ADGRL1: variants seen among roughly 807,000 people sequenced by gnomAD.
The protein encoded by ADGRL1 is CIRL-1.
In ADGRL1, 31 loss-of-function variants were observed where a neutral mutation model predicts 148.9. That is an observed-to-expected ratio of 0.21 (90% confidence interval 0.16 to 0.28). ADGRL1 has a LOEUF of 0.28. ADGRL1 is among the 10% of genes least tolerant of loss of function. The pLI is 1.00. For missense variants in ADGRL1, 1,521 were observed against 2,058.8 expected (o/e 0.74, Z 5.05); for synonymous variants, 937 against 900.3 (o/e 1.04, Z -0.73).
At chr19:14,191,696 C>CTT (rs202173891) in intron 1 of ADGRL1, among the ~76,000 whole-genome samples, 9 of 143,956 alleles carry the variant, frequency 6.3e-5, no homozygotes, top group Non-Finnish European at 9.2e-5. Context: ...CTGTCTCTCT[C>CTT]TTTTTTTTTT....
chr19:14,157,466 G>T lies in ADGRL1; in HGVS notation c.2536-6C>A. On this transcript the variant is annotated splice_polypyrimidine_tract_variant and splice_region_variant and intron_variant, in intron 13 of 22. Transcript: ENST00000361434. The surrounding 1 kb of genome is among the most constrained non-coding windows in gnomAD (Gnocchi z 7.5). Reference sequence around the variant, plus strand: ...TCGTTGATGCGGCCCTGGTACTGGGGACAGGAACAGGGGGCACGCTCAGGG... The same window carrying T: ...TCGTTGATGCGGCCCTGGTACTGGGTACAGGAACAGGGGGCACGCTCAGGG... 6.2e-7 allele frequency: 1 copy of T among 1,613,336 alleles called. No individual in the cohort carries two copies. Among genetic ancestry groups the T allele is most frequent in the Non-Finnish European group, 8.5e-7 (1 of 1,179,540 alleles).
intron 16 of ADGRL1, 105 bp from the exon 17 acceptor site, chr19:14,156,306 C>T: frequency 1.1e-6 from 1 of 914,624 alleles, no homozygotes; most frequent in Non-Finnish European, 1.7e-6. Flanking sequence ...GTGGCCCTCG[C>T]CTCTGCTGGG....
At chr19:14,175,051 C>A (rs989306875) in intron 3 of ADGRL1, among the ~76,000 whole-genome samples, 1 of 151,986 alleles carries the variant, frequency 6.6e-6, no homozygotes, top group Non-Finnish European at 1.5e-5. Flanking sequence ...CTATGTTGCC[C>A]AGTCTGGTCT....
intron 1 of ADGRL1, among the ~76,000 whole-genome samples, chr19:14,190,065 C>T (rs1971834045): frequency 6.6e-6 from 1 of 152,062 alleles, no homozygotes; most frequent in Non-Finnish European, 1.5e-5. Context: ...GTGGCCGGGG[C>T]TACGGGTGGG....
chr19:14,169,932 T>C (rs1231980198), intron 4 of ADGRL1: 4 of 152,348 alleles, frequency 2.6e-5, no homozygotes, highest in Middle Eastern at 3.4e-3. Flanking sequence ...ATGGCCAGGC[T>C]CCTGGCTCCC....
intron 3 of ADGRL1, among the ~76,000 whole-genome samples, chr19:14,175,555 T>C (rs1016862399): frequency 1.3e-5 from 2 of 151,344 alleles, no homozygotes; most frequent in African/African-American, 4.9e-5. Context: ...AACACCCACA[T>C]TCACACACAC....
At position 14,160,160 on chromosome 19, in the gene ADGRL1, C is replaced by T. The variant is rs550254938; in HGVS notation, c.1752G>A (p.Gln584=). The T allele has an allele frequency of 7.5e-6, 12 of 1,596,992 alleles. No individual in the cohort carries two copies. In the East Asian group the frequency reaches 2.7e-4, roughly 36 times the overall value. Residue 584 remains glutamine, a synonymous_variant, in exon 8 of 23, where the codon CAG becomes CAA. Coordinates refer to ENST00000361434, the MANE Select transcript of ADGRL1 (RefSeq NM_014921.5). This position sits in a 1 kb window ranked among gnomAD's most constrained non-coding sequence, Gnocchi z 5.9. ...QLLDILDAQL[Q]ALRPIERESA... ...ACTCGCGCTCGATGGGCCGCAGGGC[C>T]TGCAGCTGGGCATCCAGGATGTCCA...
chr19:14,150,805 C>A lies in ADGRL1; in HGVS notation c.*68G>T. 3.2e-6 allele frequency: 5 copies of A among 1,549,760 alleles called. No homozygotes were observed. The South Asian group carries it at 6.0e-5, about 19-fold the overall frequency. On this transcript the variant is annotated 3_prime_UTR_variant, in exon 23 of 23. Transcript: ENST00000361434. Reference sequence around the variant, plus strand: ...CCACTGCCTCCATCTGTCTCCCTCTCCCACCAGAGCCCTGCCCAGGGTTCC... The same window carrying A: ...CCACTGCCTCCATCTGTCTCCCTCTACCACCAGAGCCCTGCCCAGGGTTCC...
At chr19:14,180,692 G>A (rs572606144) in intron 2 of ADGRL1, among the ~76,000 whole-genome samples, 103 of 152,112 alleles carry the variant, frequency 6.8e-4, no homozygotes, top group African/African-American at 2.4e-3. Flanking sequence ...TGGGACTACA[G>A]GCACATACCA....
chr19:14,192,521 G>A lies in ADGRL1; in HGVS notation c.-95-8824C>T, dbSNP rs182241257. Among the ~76,000 whole-genome samples the A allele has an allele frequency of 3.4e-3, 511 of 151,222 alleles. 2 individuals carry two copies. Among genetic ancestry groups the A allele is most frequent in the African/African-American group, 0.012 (478 of 41,092 alleles). On this transcript the variant is annotated intron_variant, in intron 1 of 22. Coordinates refer to ENST00000361434, the MANE Select transcript of ADGRL1 (RefSeq NM_014921.5). ...CTCCCAAAGTGTTGGGATTACAGGC[G>A]TGAGCCACTGCTCCCGGCCTTTTCT...
intron 1 of ADGRL1, among the ~76,000 whole-genome samples, chr19:14,187,680 GC>G (rs2145071639): frequency 6.6e-6 from 1 of 150,820 alleles, no homozygotes; most frequent in Non-Finnish European, 1.5e-5. Flanking sequence ...GCCGCCACCA[GC>G]CCCTATCCGC....
intron 16 of ADGRL1, 114 bp downstream of exon 16, chr19:14,156,540 GGAGA>G (rs1175543677): frequency 2.4e-5 from 18 of 753,474 alleles, no homozygotes; most frequent in Non-Finnish European, 3.2e-5. Context: ...TCCGATGTGT[GGAGA>G]GAGAGAGAGT....
intron 1 of ADGRL1, among the ~76,000 whole-genome samples, chr19:14,187,634 T>C (rs61484818): frequency 0.014 from 1,888 of 132,718 alleles, 43 homozygotes; most frequent in African/African-American, 0.05. Flanking sequence ...ACGGCCAGTG[T>C]CACTTTCAGA....
rs780551416 is a variant in ADGRL1, at chr19:14,152,146, G to A, written c.3654C>T (p.Ser1218=). Residue 1218 remains serine (S), a synonymous_variant, in exon 22 of 23, where the codon AGC becomes AGT. Coordinates refer to ENST00000361434, the MANE Select transcript of ADGRL1 (RefSeq NM_014921.5). This position sits in a 1 kb window ranked among gnomAD's most constrained non-coding sequence, Gnocchi z 6.1. The part of the protein sequence containing the change: ...SSPPVFNSPG[S]YREPKHPLGG... ...AGTCACACTTACTGGGTTCCCGGTAGCTCCCTGCAGGTGGCAGCCAGAAGA... is the reference window on the plus strand; with the variant it reads ...AGTCACACTTACTGGGTTCCCGGTAACTCCCTGCAGGTGGCAGCCAGAAGA... 3 of 1,614,096 alleles carry A rather than the reference G, an allele frequency of 1.9e-6. No individual in the cohort carries two copies. The highest frequency in any genetic ancestry group is 3.3e-5 in the Admixed American group (2 of 60,008).
At position 14,197,895 on chromosome 19, in the gene ADGRL1, C is replaced by G. The variant is rs1413642369; in HGVS notation, c.-96+8090G>C. ...GATCATCTATTCAGTGGATGTTTAC[C>G]GAGTTCCCAACTGGTCACAAGTGCA... On this transcript the variant is annotated intron_variant, in intron 1 of 22. Transcript: ENST00000361434. 6.6e-5 allele frequency among the ~76,000 whole-genome samples: 10 copies of G among 152,092 alleles called. No homozygotes were observed. The East Asian group carries it at 1.9e-3, about 29-fold the overall frequency.
chr19:14,188,353 T>G (rs963762441), intron 1 of ADGRL1, among the ~76,000 whole-genome samples: 4 of 152,044 alleles, frequency 2.6e-5, no homozygotes, highest in African/African-American at 9.7e-5. Flanking sequence ...CTGGTGCCAG[T>G]CAGGGCACAA....
chr19:14,175,988 A>G (rs1428465740), intron 3 of ADGRL1, among the ~76,000 whole-genome samples: 2 of 151,286 alleles, frequency 1.3e-5, no homozygotes, highest in African/African-American at 4.9e-5. Flanking sequence ...CTGGAGGTGG[A>G]GGTTGCAATG....
At chr19:14,177,337 G>A (rs567960659) in intron 3 of ADGRL1, among the ~76,000 whole-genome samples, 194 bp downstream of exon 3, 4 of 152,266 alleles carry the variant, frequency 2.6e-5, no homozygotes, top group East Asian at 1.9e-4. Context: ...GGCCTCTGTC[G>A]GGGGCACAGG....
rs74181774 is a variant in ADGRL1, at chr19:14,204,713, TGAGAGAGAGAGA to T, written c.-96+1260_-96+1271del. ...GAGAGATAGAGAAAGACAGAGAGAG[TGAGAGAGAGAGA>T]GAGAGAGAGAGAGAGACAGACAGAG... is the stretch of plus-strand genomic sequence containing the variant. On this transcript the variant is annotated intron_variant, in intron 1 of 22. Coordinates refer to ENST00000361434, the MANE Select transcript of ADGRL1 (RefSeq NM_014921.5). Among the ~76,000 whole-genome samples, 18 of 142,998 alleles carry T rather than the reference TGAGAGAGAGAGA, an allele frequency of 1.3e-4. No homozygotes were observed. In the South Asian group the frequency reaches 3.3e-3, roughly 26 times the overall value. The allele number at this position is 142,998 out of a possible 152,430, so 93.8% of individuals were successfully genotyped here. A position where few individuals can be genotyped will look rare whatever the true frequency, so the allele number is the denominator to read the frequency against.
Sources: gnomAD v4.1 joint callset for allele counts (sites outside exome capture counted in the v4.1 genomes callset) on GRCh38, gnomAD v4.1.1 for gene constraint, Gnocchi (gnomAD v3.1) non-coding constraint, MANE v1.5 for transcripts, NCBI Gene and HGNC (gene_info 2026-07-23, HGNC 2026-07-21) for gene names.